Variants in AUTS2 observed in about 807,000 individuals in gnomAD.
The protein encoded by AUTS2 is autism susceptibility gene 2 protein.
AUTS2 carries 17 observed loss-of-function variants against 112.4 expected under a neutral mutation model. The observed-to-expected ratio is 0.15, with a 90% CI of 0.10 to 0.23. AUTS2 has a LOEUF of 0.23. Among genes scored for constraint, AUTS2 ranks in the 10% least tolerant of loss-of-function variants. The pLI, the probability that AUTS2 is intolerant of heterozygous loss-of-function variation, is 1.00. For synonymous variants in AUTS2, 751 were observed against 702.7 expected, an observed-to-expected ratio of 1.07 and a Z score of -1.09; for missense variants, 1,510 against 1,701.6, an observed-to-expected ratio of 0.89 and a Z score of 1.98.
chr7:69,806,401 G>T, intron 1 of AUTS2, among the ~76,000 whole-genome samples: 1 of 151,828 alleles, frequency 6.6e-6, no homozygotes, highest in Non-Finnish European at 1.5e-5. Flanking sequence ...TATTCTAAGG[G>T]CGTTATACTT....
At position 69,762,293 on chromosome 7, in the gene AUTS2, C is replaced by CTTTT. The variant is rs534032498; in HGVS notation, c.310-136965_310-136962dup. 1.4e-3 allele frequency among the ~76,000 whole-genome samples: 84 copies of CTTTT among 61,596 alleles called. 10 individuals carry two copies. Among genetic ancestry groups the CTTTT allele is most frequent in the African/African-American group, 2.6e-3 (40 of 15,412 alleles). 40.4% of individuals were successfully genotyped at this position (61,596 alleles called of 152,430 possible). A position where few individuals can be genotyped will look rare whatever the true frequency, so the allele number is the denominator to read the frequency against. On this transcript the variant is annotated intron_variant, in intron 1 of 18. Coordinates refer to ENST00000342771, the MANE Select transcript of AUTS2 (RefSeq NM_015570.4). Reference sequence around the variant, plus strand: ...TTCCCAAACATTTTAGCCAAGTTGTCTTTTTTTTTTTTTTTTTTTTTTTTT... The same window carrying CTTTT: ...TTCCCAAACATTTTAGCCAAGTTGTCTTTTTTTTTTTTTTTTTTTTTTTTTTTTT...
At chr7:70,249,921 CTT>C (rs1444590487) in intron 4 of AUTS2, among the ~76,000 whole-genome samples, 59 of 143,912 alleles carry the variant, frequency 4.1e-4, no homozygotes, top group African/African-American at 9.4e-4. Context: ...TTTTATTTTA[CTT>C]TTAAAATATT....
intron 5 of AUTS2, among the ~76,000 whole-genome samples, chr7:70,586,799 A>C (rs1294013624): frequency 6.6e-6 from 1 of 152,214 alleles, no homozygotes; most frequent in African/African-American, 2.4e-5. Context: ...TGAGGTCAGC[A>C]CTTGCCCACA....
intron 4 of AUTS2, among the ~76,000 whole-genome samples, chr7:70,244,534 G>C (rs779298608): frequency 2.6e-5 from 4 of 152,156 alleles, no homozygotes; most frequent in Non-Finnish European, 5.9e-5. Context: ...CAATAGTAAA[G>C]ATGCTCAGTA....
At chr7:69,725,304 G>T (rs548953376) in intron 1 of AUTS2, among the ~76,000 whole-genome samples, 1 of 152,218 alleles carries the variant, frequency 6.6e-6, no homozygotes, top group Non-Finnish European at 1.5e-5. Flanking sequence ...GAATCAAAAA[G>T]TAAACATATG....
intron 4 of AUTS2, among the ~76,000 whole-genome samples, chr7:70,418,494 A>G (rs1240771300): frequency 6.6e-6 from 1 of 152,164 alleles, no homozygotes; most frequent in Non-Finnish European, 1.5e-5. Context: ...ACCCAAATCC[A>G]AATACGTATC....
intron 2 of AUTS2, among the ~76,000 whole-genome samples, chr7:70,068,701 G>C (rs577296548): frequency 6.6e-6 from 1 of 152,154 alleles, no homozygotes; most frequent in Non-Finnish European, 1.5e-5. Flanking sequence ...GAAAAGAAAA[G>C]CAATCAAACA....
At chr7:69,944,576 T>G (rs1056338609) in intron 2 of AUTS2, among the ~76,000 whole-genome samples, 2 of 152,204 alleles carry the variant, frequency 1.3e-5, no homozygotes, top group Non-Finnish European at 2.9e-5. Flanking sequence ...AATGGGCCAC[T>G]GGGTCTGCTG....
At position 70,085,402 on chromosome 7, in the gene AUTS2, G is replaced by GT. The variant is rs544475117; in HGVS notation, c.523-32728dup. Among the ~76,000 whole-genome samples, 271 of 149,682 alleles carry GT rather than the reference G, an allele frequency of 1.8e-3. 1 individual carries two copies. The highest frequency in any genetic ancestry group is 7.0e-3 in the Middle Eastern group (2 of 284). ...TTTTTTTGAGATGGAGTCTCGCTCT[G>GT]TTGCGCAGGCTGGAGTGCAGTGGCA... On this transcript the variant is annotated intron_variant, in intron 2 of 18. Transcript: ENST00000342771.
At chr7:70,450,484 T>C (rs1796485564) in intron 5 of AUTS2, among the ~76,000 whole-genome samples, 1 of 152,168 alleles carries the variant, frequency 6.6e-6, no homozygotes, top group African/African-American at 2.4e-5. Context: ...AGGAAAGGCT[T>C]AGCATGTGGA....
chr7:69,643,790 G>A (rs575363303), intron 1 of AUTS2, among the ~76,000 whole-genome samples: 12 of 152,236 alleles, frequency 7.9e-5, no homozygotes, highest in Admixed American at 4.6e-4. Flanking sequence ...CCCCAAATTC[G>A]TATGTTGAAG....
At chr7:69,873,296 A>G (rs935614332) in intron 1 of AUTS2, among the ~76,000 whole-genome samples, 1 of 152,154 alleles carries the variant, frequency 6.6e-6, no homozygotes, top group African/African-American at 2.4e-5. Context: ...GCTCTGCAGC[A>G]TAGGAGCTGG....
rs557320781 is a variant in AUTS2 at position 70,501,023 on chromosome 7, C to T, written c.690+65242C>T. On this transcript the variant is annotated intron_variant, in intron 5 of 18. Coordinates refer to ENST00000342771, the MANE Select transcript of AUTS2 (RefSeq NM_015570.4). ...CAGGCATGAGCCACTGTGCCTGGCC[C>T]GAATTGATACCTCCCAAAGTATGCA... Among the ~76,000 whole-genome samples, 7 of 152,132 alleles carry T rather than the reference C, an allele frequency of 4.6e-5. No homozygotes were observed. In the East Asian group the frequency reaches 5.8e-4, roughly 13 times the overall value.
At chr7:70,094,250 C>T (rs976231905) in intron 2 of AUTS2, among the ~76,000 whole-genome samples, 3 of 152,194 alleles carry the variant, frequency 2.0e-5, no homozygotes, top group Admixed American at 6.5e-5. Context: ...TTTGTGTATG[C>T]GCCCTGCATG....
chr7:70,518,913 A>G (rs1362288247), intron 5 of AUTS2, among the ~76,000 whole-genome samples: 1 of 152,068 alleles, frequency 6.6e-6, no homozygotes, highest in Non-Finnish European at 1.5e-5. Context: ...CATGTTGGCC[A>G]GGCTGGTCTT....
intron 2 of AUTS2, among the ~76,000 whole-genome samples, chr7:70,105,557 C>A (rs1261865470): frequency 1.3e-5 from 2 of 152,124 alleles, no homozygotes; most frequent in Admixed American, 1.3e-4. Context: ...TACCCGGACC[C>A]ACATTTGTTT....
intron 5 of AUTS2, among the ~76,000 whole-genome samples, chr7:70,557,375 C>A (rs1257097392): frequency 1.3e-5 from 2 of 152,216 alleles, no homozygotes; most frequent in Non-Finnish European, 2.9e-5. Context: ...TCCCAGCTCC[C>A]AGCCCTTGGC....
At chr7:70,511,887 T>C (rs1369179138) in intron 5 of AUTS2, among the ~76,000 whole-genome samples, 1 of 152,166 alleles carries the variant, frequency 6.6e-6, no homozygotes, top group East Asian at 1.9e-4. Flanking sequence ...TGTCCTGTCA[T>C]AATTTTTAAG....
intron 2 of AUTS2, among the ~76,000 whole-genome samples, chr7:70,078,059 C>T (rs549231826): frequency 1.3e-5 from 2 of 152,222 alleles, no homozygotes; most frequent in South Asian, 4.2e-4. Flanking sequence ...TTCTCCATGG[C>T]CTGTACTCAG....
Sources: allele counts gnomAD v4.1 joint callset (sites outside exome capture counted in the v4.1 genomes callset), GRCh38; gene constraint gnomAD v4.1.1; transcripts MANE v1.5; gene names NCBI Gene and HGNC (gene_info 2026-07-23, HGNC 2026-07-21).